The following PIEZO1 variants were observed in gnomAD, a reference collection of about 807,000 sequenced individuals.
PIEZO1 encodes piezo-type mechanosensitive ion channel component 1.
Under a neutral mutation model 297.2 loss-of-function variants are expected in PIEZO1, and 296 were observed. The observed-to-expected ratio is 1.00, with a 90% CI of 0.91 to 1.10. PIEZO1 has a LOEUF of 1.10. Ranked by LOEUF, PIEZO1 falls within the 50% of genes least tolerant of loss-of-function variation. PIEZO1 has a pLI of 0.00. For synonymous variants in PIEZO1, 2,427 were observed against 1,507.5 expected (o/e 1.61, Z -14.13); for missense variants, 5,018 against 3,455.5 (o/e 1.45, Z -11.34).
intron 1 of PIEZO1, among the ~76,000 whole-genome samples, chr16:88,783,437 AG>A (rs1005391618): frequency 2.6e-4 from 39 of 152,306 alleles, no homozygotes; most frequent in African/African-American, 8.4e-4. Context: ...GCCATCTGAG[AG>A]GGGGGGCATT....
At chr16:88,758,570 C>T (rs367901349) in intron 1 of PIEZO1, among the ~76,000 whole-genome samples, 2 of 152,364 alleles carry the variant, frequency 1.3e-5, no homozygotes, top group East Asian at 1.9e-4. Flanking sequence ...CAGGCACCCA[C>T]GGACTCACAA....
intron 1 of PIEZO1, among the ~76,000 whole-genome samples, chr16:88,765,018 G>A (rs895360754): frequency 1.3e-5 from 2 of 152,204 alleles, no homozygotes; most frequent in African/African-American, 4.8e-5. Flanking sequence ...TGGCAGACCC[G>A]GCTGCCCACT....
At chr16:88,764,185 C>T (rs995507265) in intron 1 of PIEZO1, among the ~76,000 whole-genome samples, 5 of 151,948 alleles carry the variant, frequency 3.3e-5, no homozygotes, top group African/African-American at 7.2e-5. Context: ...GAGGGTGGGG[C>T]GGGGTACGAA....
At chr16:88,750,750 G>T (rs556231854) in intron 1 of PIEZO1, among the ~76,000 whole-genome samples, 2 of 152,334 alleles carry the variant, frequency 1.3e-5, no homozygotes, top group South Asian at 4.1e-4. Context: ...GGGACCTGAG[G>T]GACCACTCAG....
At chr16:88,722,771 G>A (rs1904289809) in intron 34 of PIEZO1, 66 bp downstream of exon 34, 1 of 1,528,966 alleles carries the variant, frequency 6.5e-7, no homozygotes, top group African/African-American at 1.4e-5. Flanking sequence ...GCGGGACTAG[G>A]CTGTTAAGCA....
intron 39 of PIEZO1, among the ~76,000 whole-genome samples, 178 bp downstream of exon 39, chr16:88,720,988 G>C (rs1352500675): frequency 6.6e-6 from 1 of 152,178 alleles, no homozygotes; most frequent in Non-Finnish European, 1.5e-5. Context: ...CCCGGGGGCA[G>C]CAGTCAGGGA....
chr16:88,739,826 C>T (rs1905518782), intron 5 of PIEZO1: 2 of 146,804 alleles, frequency 1.4e-5, no homozygotes, highest in African/African-American at 2.5e-5. Flanking sequence ...CGCAGGGCGC[C>T]ATCGCTCACC....
rs1295476748 is a variant in PIEZO1 at position 88,726,793 on chromosome 16, G to A, written c.3621C>T (p.Asp1207=). ...CCCACAGCACGAGGCGGGCCCGTGTGTCCCTCTGCAGCAGGGCCGTGCCGA... is the reference window on the plus strand; with the variant it reads ...CCCACAGCACGAGGCGGGCCCGTGTATCCCTCTGCAGCAGGGCCGTGCCGA... ...LLFGTALLQR[D]TRARLVLWDC... The change falls in exon 25 of 51, where the codon GAC becomes GAT. Residue 1207 remains aspartate (D), a synonymous_variant. Transcript: ENST00000301015. 2.6e-6 allele frequency: 4 copies of A among 1,550,194 alleles called. No homozygotes were observed. Among genetic ancestry groups the A allele is most frequent in the Admixed American group, 3.9e-5 (2 of 50,990 alleles).
At chr16:88,719,553 C>G in intron 44 of PIEZO1, 21 bp downstream of exon 44, 1 of 1,548,240 alleles carries the variant, frequency 6.5e-7, no homozygotes, top group Non-Finnish European at 8.7e-7. Context: ...TTGTCCCGGC[C>G]CCCGCCCTGG....
intron 16 of PIEZO1, 108 bp downstream of exon 16, chr16:88,734,248 G>A: frequency 2.4e-6 from 3 of 1,228,632 alleles, no homozygotes; most frequent in Non-Finnish European, 2.2e-6. Context: ...AATGCCCCTT[G>A]GGATCTGAAG....
Position 88,732,601 on chromosome 16 carries a change from A to G in PIEZO1, c.2790+6T>C, listed in dbSNP as rs1374763218. 5.8e-6 allele frequency: 9 copies of G among 1,547,348 alleles called. No homozygotes were observed. Among genetic ancestry groups the G allele is most frequent in the Non-Finnish European group, 7.9e-6 (9 of 1,144,920 alleles). On this transcript the variant is annotated splice_donor_region_variant and intron_variant, in intron 20 of 50. Transcript: ENST00000301015. ...CGCCCAGCCGCCCACCAGCCCTTCA[A>G]CTCACCTGGATGTAGCCCAGGTTGG...
chr16:88,780,424 C>A (rs1907878656), intron 1 of PIEZO1, among the ~76,000 whole-genome samples: 1 of 152,158 alleles, frequency 6.6e-6, no homozygotes. Flanking sequence ...CACAGTCACC[C>A]AGGAGACTCA....
chr16:88,776,760 G>A (rs556382883), intron 1 of PIEZO1, among the ~76,000 whole-genome samples: 5 of 152,354 alleles, frequency 3.3e-5, no homozygotes, highest in African/African-American at 1.2e-4. Context: ...CCTGGCTCGG[G>A]GCGGGCCAGT....
intron 1 of PIEZO1, among the ~76,000 whole-genome samples, chr16:88,761,810 C>T (rs527964941): frequency 1.3e-5 from 2 of 151,632 alleles, no homozygotes; most frequent in East Asian, 3.9e-4. Context: ...AGCAGCGCTG[C>T]CAGGGTGTGG....
At chr16:88,727,245 G>A (rs1904515108) in intron 23 of PIEZO1, 53 bp from the exon 24 acceptor site, 1 of 1,473,670 alleles carries the variant, frequency 6.8e-7, no homozygotes, top group Non-Finnish European at 9.0e-7. Context: ...CACGAGGTGG[G>A]CACGGCGCAT....
intron 2 of PIEZO1, chr16:88,745,229 A>T (rs1171909332): frequency 6.6e-6 from 1 of 152,330 alleles, no homozygotes; most frequent in South Asian, 2.1e-4. Context: ...CCCTCCTGGC[A>T]GGACACACCC....
chr16:88,771,022 A>T (rs1327562520), intron 1 of PIEZO1, among the ~76,000 whole-genome samples: 2 of 151,792 alleles, frequency 1.3e-5, no homozygotes. Flanking sequence ...GAGCAGCTCC[A>T]CCCTATCACG....
intron 10 of PIEZO1, chr16:88,737,240 C>T (rs970317444): frequency 1.0e-5 from 3 of 295,596 alleles, no homozygotes; most frequent in African/African-American, 4.5e-5. Flanking sequence ...CCAGAGCTAA[C>T]AGCACAAGAC....
intron 1 of PIEZO1, among the ~76,000 whole-genome samples, chr16:88,757,833 T>C: frequency 6.6e-6 from 1 of 151,914 alleles, no homozygotes; most frequent in East Asian, 1.9e-4. Flanking sequence ...AGCAAGAGAC[T>C]CAAGTCACAG....
Sources: allele counts gnomAD v4.1 joint callset (sites outside exome capture counted in the v4.1 genomes callset), GRCh38; gene constraint gnomAD v4.1.1; transcripts MANE v1.5; gene names NCBI Gene and HGNC (gene_info 2026-07-23, HGNC 2026-07-21).